ITGB6: variants seen among roughly 807,000 people sequenced by gnomAD.
The protein encoded by ITGB6 is integrin subunit beta 6.
A neutral mutation model predicts 84.5 loss-of-function variants in ITGB6; 80 were observed. The ratio of observed to expected loss-of-function variants is 0.95; its 90% confidence interval spans 0.79 to 1.14. The LOEUF (loss-of-function observed/expected upper bound fraction) is 1.14, where lower values mean the gene tolerates loss of function less well. ITGB6 is among the 50% of genes most tolerant of loss of function. The probability of loss-of-function intolerance (pLI) is 0.00; values close to 1 mark genes in which losing one functional copy is unlikely to be tolerated. For synonymous variants in ITGB6, 383 were observed against 354.9 expected, an observed-to-expected ratio of 1.08 and a Z score of -0.89; for missense variants, 1,006 against 968.0, an observed-to-expected ratio of 1.04 and a Z score of -0.52.
chr2:160,154,529 C>T (rs570299634), intron 7 of ITGB6, among the ~76,000 whole-genome samples: 78 of 152,124 alleles, frequency 5.1e-4, no homozygotes, highest in African/African-American at 1.8e-3. Flanking sequence ...ACATGTATAC[C>T]TATGTATCAA....
chr2:160,196,163 G>T, intron 3 of ITGB6, 53 bp downstream of exon 3: 2 of 1,422,416 alleles, frequency 1.4e-6, no homozygotes, highest in Non-Finnish European at 2.0e-6. Context: ...CAAGGTAGCA[G>T]AATTACCATA....
chr2:160,157,098 G>A (rs944997951), intron 7 of ITGB6, among the ~76,000 whole-genome samples: 7 of 152,108 alleles, frequency 4.6e-5, no homozygotes, highest in Admixed American at 1.3e-4. Flanking sequence ...CAGTCTCTGC[G>A]TCCATTGTCA....
At chr2:160,111,476 A>G (rs1354731487) in intron 13 of ITGB6, among the ~76,000 whole-genome samples, 1 of 152,086 alleles carries the variant, frequency 6.6e-6, no homozygotes, top group East Asian at 1.9e-4. Flanking sequence ...GTTGATTTAC[A>G]TGAGATTTTT....
At position 160,179,076 on chromosome 2, in the gene ITGB6, G is replaced by T. The variant is rs1052827633; in HGVS notation, c.594-4937C>A. On this transcript the variant is annotated intron_variant, in intron 4 of 14. Coordinates refer to ENST00000283249, the MANE Select transcript of ITGB6 (RefSeq NM_000888.5). The stretch of plus-strand genomic sequence containing the variant: ...CTCTCACCAAATTACTTGATTTTGA[G>T]TCCCTAGATAAAAAGAGATTTGCAT... The T allele has an allele frequency of 7.2e-5, 11 of 152,008 alleles. 1 individual carries two copies. Among genetic ancestry groups the T allele is most frequent in the Admixed American group, 7.2e-4 (11 of 15,256 alleles). The allele number at this position is 152,008 out of a possible 1,614,324, so 9.4% of individuals were successfully genotyped here.
intron 10 of ITGB6, among the ~76,000 whole-genome samples, chr2:160,135,984 A>C (rs1559133144): frequency 6.6e-6 from 1 of 152,262 alleles, no homozygotes; most frequent in Non-Finnish European, 1.5e-5. Flanking sequence ...CATTCGGGAC[A>C]TAGGCATGAG....
At chr2:160,185,374 C>T (rs1200871471) in intron 4 of ITGB6, among the ~76,000 whole-genome samples, 2 of 152,176 alleles carry the variant, frequency 1.3e-5, no homozygotes, top group African/African-American at 4.8e-5. Flanking sequence ...CTCCCATTCA[C>T]AATTGCTACA....
rs150463760 is a variant in ITGB6, at chr2:160,155,068, T to A, written c.1018-12997A>T. Among the ~76,000 whole-genome samples, 369 of 152,326 alleles carry A rather than the reference T, an allele frequency of 2.4e-3. 1 individual carries two copies. Among genetic ancestry groups the A allele is most frequent in the African/African-American group, 8.1e-3 (338 of 41,576 alleles). On this transcript the variant is annotated intron_variant, in intron 7 of 14. Transcript: ENST00000283249. ...CTCCTTCTCCGCGCCTGCTTTTCCT[T>A]CATGTTCTTCCATGACTGTAAGTTT...
At chr2:160,137,186 T>G (rs1210542245) in intron 10 of ITGB6, among the ~76,000 whole-genome samples, 1 of 152,184 alleles carries the variant, frequency 6.6e-6, no homozygotes, top group African/African-American at 2.4e-5. Flanking sequence ...AGAAGGCACT[T>G]GTATCTTTCA....
chr2:160,119,205 C>G (rs970908085), intron 12 of ITGB6, among the ~76,000 whole-genome samples: 1 of 152,162 alleles, frequency 6.6e-6, no homozygotes, highest in African/African-American at 2.4e-5. Context: ...CCCGCGTCAC[C>G]AAGTCAATCC....
At chr2:160,199,595 A>G (rs1686477105) in intron 1 of ITGB6, among the ~76,000 whole-genome samples, 2 of 152,198 alleles carry the variant, frequency 1.3e-5, no homozygotes, top group South Asian at 4.1e-4. Flanking sequence ...ATTACTTGCA[A>G]CCATTAAAAA....
At chr2:160,132,443 T>A (rs924024793) in intron 10 of ITGB6, among the ~76,000 whole-genome samples, 2 of 152,198 alleles carry the variant, frequency 1.3e-5, no homozygotes, top group Non-Finnish European at 2.9e-5. Context: ...AGCTTGGATT[T>A]CTTTGATGCT....
At chr2:160,142,157 C>T in intron 7 of ITGB6, 86 bp from the exon 8 acceptor site, 3 of 785,418 alleles carry the variant, frequency 3.8e-6, no homozygotes, top group Admixed American at 2.7e-5. Context: ...GCTATGATTG[C>T]CTCTATTTAA....
chr2:160,156,011 A>G (rs1171199554), intron 7 of ITGB6, among the ~76,000 whole-genome samples: 2 of 152,194 alleles, frequency 1.3e-5, no homozygotes, highest in Non-Finnish European at 2.9e-5. Context: ...CTAAAGCTGA[A>G]CATAAGCACA....
intron 7 of ITGB6, among the ~76,000 whole-genome samples, chr2:160,166,917 AAC>A (rs1491155186): frequency 2.0e-5 from 3 of 152,230 alleles, no homozygotes; most frequent in Non-Finnish European, 2.9e-5. Flanking sequence ...TACTAAAAAA[AAC>A]AGTCATTTTT....
chr2:160,164,658 T>C (rs1361389206), intron 7 of ITGB6, among the ~76,000 whole-genome samples: 3 of 152,010 alleles, frequency 2.0e-5, no homozygotes, highest in Non-Finnish European at 1.5e-5. Context: ...ATCATGCCAC[T>C]GCACTCCAGC....
intron 4 of ITGB6, among the ~76,000 whole-genome samples, chr2:160,192,790 A>G (rs560552011): frequency 3.9e-5 from 6 of 152,136 alleles, no homozygotes; most frequent in Non-Finnish European, 7.4e-5. Flanking sequence ...ACCACACAAT[A>G]TTGGAAAGAC....
intron 6 of ITGB6, among the ~76,000 whole-genome samples, chr2:160,169,583 AATTT>A (rs1417536643): frequency 4.6e-5 from 7 of 152,296 alleles, no homozygotes; most frequent in African/African-American, 1.4e-4. Flanking sequence ...GACCATTTGA[AATTT>A]ATTTAAAGAC....
At chr2:160,188,137 T>A (rs1422530572) in intron 4 of ITGB6, among the ~76,000 whole-genome samples, 1 of 152,148 alleles carries the variant, frequency 6.6e-6, no homozygotes, top group Non-Finnish European at 1.5e-5. Flanking sequence ...GTAACCCAGG[T>A]CTGAAAAATC....
At chr2:160,165,480 T>C (rs567814733) in intron 7 of ITGB6, among the ~76,000 whole-genome samples, 117 of 152,160 alleles carry the variant, frequency 7.7e-4, no homozygotes, top group African/African-American at 2.8e-3. Flanking sequence ...AGCAAAGGGG[T>C]CCAATTTTTA....
Sources: allele counts gnomAD v4.1 joint callset (sites outside exome capture counted in the v4.1 genomes callset), GRCh38; gene constraint gnomAD v4.1.1; transcripts MANE v1.5; gene names NCBI Gene and HGNC (gene_info 2026-07-23, HGNC 2026-07-21).